The following CLIP1 variants were observed in gnomAD, a reference collection of about 807,000 sequenced individuals.
The protein encoded by CLIP1 is CAP-Gly domain containing linker protein 1, also known as CAP-Gly domain-containing linker protein 1.
Under a neutral mutation model 161.6 loss-of-function variants are expected in CLIP1, and 66 were observed. The observed-to-expected ratio is 0.41, with a 90% CI of 0.33 to 0.50. The LOEUF (loss-of-function observed/expected upper bound fraction) is 0.50. Ranked by LOEUF, CLIP1 falls within the 20% of genes least tolerant of loss-of-function variation. The pLI is 0.27. For missense variants in CLIP1, 1,376 were observed against 1,702.0 expected (o/e 0.81, Z 3.37); for synonymous variants, 598 against 626.2 (o/e 0.96, Z 0.67).
At chr12:122,422,462 C>G (rs921554902) in intron 1 of CLIP1, 59 bp downstream of exon 1, 1 of 151,676 alleles carries the variant, frequency 6.6e-6, no homozygotes, top group Non-Finnish European at 1.5e-5. Flanking sequence ...GGCCGGGAAG[C>G]CGGCAGGGGA....
chr12:122,319,194 G>T, intron 18 of CLIP1, 38 bp downstream of exon 18: 2 of 1,355,796 alleles, frequency 1.5e-6, no homozygotes, highest in Non-Finnish European at 2.1e-6. Flanking sequence ...AAGTTGGTAA[G>T]CTGTTCTTTG....
chr12:122,319,226 G>C lies in CLIP1; in HGVS notation c.3366+6C>G, dbSNP rs760254093. On this transcript the variant is annotated splice_donor_region_variant and intron_variant, in intron 18 of 25. Transcript: ENST00000620786. The stretch of plus-strand genomic sequence containing the variant: ...TTTGTATAAAAAGCTATTTAAATCT[G>C]ATTACTTCATTCTGTAGTTTTGCAT... 14 of 1,567,816 alleles carry C rather than the reference G, an allele frequency of 8.9e-6. No individual in the cohort carries two copies. Among genetic ancestry groups the C allele is most frequent in the Admixed American group, 1.7e-5 (1 of 59,954 alleles).
intron 9 of CLIP1, among the ~76,000 whole-genome samples, chr12:122,348,010 G>A (rs1338308327): frequency 1.3e-5 from 2 of 152,110 alleles, no homozygotes; most frequent in African/African-American, 4.8e-5. Flanking sequence ...TTGCACCTTA[G>A]CATATAACTT....
intron 19 of CLIP1, among the ~76,000 whole-genome samples, chr12:122,312,701 C>CT (rs1213306762): frequency 6.6e-6 from 1 of 152,086 alleles, no homozygotes; most frequent in Non-Finnish European, 1.5e-5. Flanking sequence ...GAGGTGGTGG[C>CT]TGCAGTGAGC....
At chr12:122,350,554 A>G (rs1363957926) in intron 9 of CLIP1, among the ~76,000 whole-genome samples, 1 of 152,112 alleles carries the variant, frequency 6.6e-6, no homozygotes, top group Non-Finnish European at 1.5e-5. Context: ...TATTGTAGAA[A>G]CAAACAGAAG....
chr12:122,320,711 G>A (rs919292275), intron 17 of CLIP1, among the ~76,000 whole-genome samples: 6 of 151,136 alleles, frequency 4.0e-5, no homozygotes, highest in African/African-American at 7.3e-5. Flanking sequence ...GTGACAGAGC[G>A]AGACTCTTTT....
intron 1 of CLIP1, among the ~76,000 whole-genome samples, chr12:122,415,968 G>A (rs530304252): frequency 2.6e-5 from 4 of 152,136 alleles, no homozygotes; most frequent in South Asian, 2.1e-4. Flanking sequence ...GGCCTGGCAC[G>A]GTGGCTCATG....
chr12:122,278,874 A>G lies in CLIP1; in HGVS notation c.3834T>C (p.Ser1278=). The part of the protein sequence containing the change: ...SLHSVVQTLE[S]DKVKLELKVK... ...CCTTGAGCTCGAGCTTCACCTTATCAGACTCTAGAGTCTGAACAACTGAAT... is the reference window on the plus strand; with the variant it reads ...CCTTGAGCTCGAGCTTCACCTTATCGGACTCTAGAGTCTGAACAACTGAAT... Residue 1278 remains serine, a synonymous_variant, in exon 23 of 26, where the codon TCT becomes TCC. Transcript: ENST00000620786. 6.2e-7 allele frequency: 1 copy of G among 1,613,452 alleles called. No homozygotes were observed. The highest frequency in any genetic ancestry group is 8.5e-7 in the Non-Finnish European group (1 of 1,179,746).
chr12:122,288,831 T>G (rs958041891), intron 20 of CLIP1, among the ~76,000 whole-genome samples: 9 of 134,140 alleles, frequency 6.7e-5, no homozygotes, highest in African/African-American at 2.3e-4. Context: ...TTTTTTTTTT[T>G]TTGAGACGGA....
intron 17 of CLIP1, among the ~76,000 whole-genome samples, chr12:122,321,691 G>C (rs1441492976): frequency 6.6e-6 from 1 of 151,840 alleles, no homozygotes; most frequent in Admixed American, 6.6e-5. Context: ...GCTAATTACT[G>C]TATTTTTTGT....
chr12:122,334,129 A>G lies in CLIP1; in HGVS notation c.2627-19T>C, dbSNP rs1952108455. 3 of 1,496,072 alleles carry G rather than the reference A, an allele frequency of 2.0e-6. No individual in the cohort carries two copies. Among genetic ancestry groups the G allele is most frequent in the Middle Eastern group, 1.7e-4 (1 of 5,830 alleles). The allele number at this position is 1,496,072 out of a possible 1,614,324, so 92.7% of individuals were successfully genotyped here. ...ACAGTTTCTATTTAGGATAAAAGTTAGAAGTTTAATATGTTTCATATTTAA... is the reference window on the plus strand; with the variant it reads ...ACAGTTTCTATTTAGGATAAAAGTTGGAAGTTTAATATGTTTCATATTTAA... On this transcript the variant is annotated intron_variant, in intron 13 of 25. Coordinates refer to ENST00000620786, the MANE Select transcript of CLIP1 (RefSeq NM_001247997.2).
chr12:122,378,020 A>C, intron 2 of CLIP1, 60 bp from the exon 3 acceptor site: 1 of 1,434,324 alleles, frequency 7.0e-7, no homozygotes, highest in South Asian at 1.4e-5. Flanking sequence ...CCTCTAACTT[A>C]AAGAAAAACT....
chr12:122,336,933 T>C (rs1952253706), intron 11 of CLIP1, among the ~76,000 whole-genome samples, 185 bp from the exon 12 acceptor site: 1 of 151,758 alleles, frequency 6.6e-6, no homozygotes, highest in Non-Finnish European at 1.5e-5. Context: ...ATCAGTTCTA[T>C]GATATGATTT....
chr12:122,331,695 C>A (rs1951977531), intron 15 of CLIP1, among the ~76,000 whole-genome samples: 1 of 152,128 alleles, frequency 6.6e-6, no homozygotes, highest in Non-Finnish European at 1.5e-5. Flanking sequence ...ATATGTGTTT[C>A]CTATTAAAAT....
intron 1 of CLIP1, among the ~76,000 whole-genome samples, chr12:122,409,878 T>A (rs1176122026): frequency 6.0e-5 from 9 of 150,964 alleles, no homozygotes; most frequent in African/African-American, 1.9e-4. Context: ...ATTTTTATTT[T>A]TTTTTTTTTT....
chr12:122,403,887 C>T (rs1375489853), intron 1 of CLIP1, among the ~76,000 whole-genome samples: 1 of 152,120 alleles, frequency 6.6e-6, no homozygotes, highest in African/African-American at 2.4e-5. Flanking sequence ...GAATAAGATA[C>T]AGAACACTCC....
Position 122,356,787 on chromosome 12 carries a change from G to A in CLIP1, c.1006-1475C>T, listed in dbSNP as rs1461652874. ...CGAGTGCCTGCGATTGCAGGCGCGC[G>A]CCGCCACGCCTGACTGGTTTTCGTA... On this transcript the variant is annotated intron_variant, in intron 5 of 25. Transcript: ENST00000620786. Among the ~76,000 whole-genome samples, 6 of 152,286 alleles carry A rather than the reference G, an allele frequency of 3.9e-5. No individual in the cohort carries two copies. The South Asian group carries it at 6.2e-4, about 16-fold the overall frequency.
intron 3 of CLIP1, among the ~76,000 whole-genome samples, chr12:122,376,948 AG>A (rs1048941537): frequency 6.6e-6 from 1 of 151,952 alleles, no homozygotes; most frequent in African/African-American, 2.4e-5. Flanking sequence ...TCTCTATAAA[AG>A]AGTGGTCATC....
chr12:122,352,684 C>A, intron 8 of CLIP1, 42 bp downstream of exon 8: 3 of 1,515,966 alleles, frequency 2.0e-6, no homozygotes, highest in Non-Finnish European at 2.8e-6. Flanking sequence ...GTTCTGAATA[C>A]TGATACCCAT....
Sources: gnomAD v4.1 joint callset for allele counts (sites outside exome capture counted in the v4.1 genomes callset) on GRCh38, gnomAD v4.1.1 for gene constraint, MANE v1.5 for transcripts, NCBI Gene and HGNC (gene_info 2026-07-23, HGNC 2026-07-21) for gene names.